CHRM3: variants seen among roughly 807,000 people sequenced by gnomAD.
The protein encoded by CHRM3 is cholinergic receptor muscarinic 3, also known as muscarinic acetylcholine receptor M3.
In CHRM3, 11 loss-of-function variants were observed where a neutral mutation model predicts 41.8. The observed-to-expected ratio is 0.26, with a 90% CI of 0.17 to 0.44. The LOEUF is 0.44. CHRM3 is among the 20% of genes least tolerant of loss of function. The probability of loss-of-function intolerance (pLI) is 1.00; values close to 1 mark genes in which losing one functional copy is unlikely to be tolerated. For synonymous variants in CHRM3, 297 were observed against 301.4 expected (o/e 0.99, Z 0.15); for missense variants, 571 against 745.4 (o/e 0.77, Z 2.72).
intron 1 of CHRM3, among the ~76,000 whole-genome samples, chr1:239,421,536 G>A (rs1661954072): frequency 1.3e-5 from 2 of 152,096 alleles, no homozygotes; most frequent in Admixed American, 1.3e-4. Context: ...TGCACCTGAT[G>A]TTTGTTTTTA....
intron 3 of CHRM3, among the ~76,000 whole-genome samples, chr1:239,600,085 AGTCAACT>A (rs1665326461): frequency 6.6e-6 from 1 of 152,166 alleles, no homozygotes; most frequent in East Asian, 1.9e-4. Flanking sequence ...CAAAAATCTC[AGTCAACT>A]GTGAATGCTC....
At chr1:239,836,964 ACT>A (rs763913769) in intron 6 of CHRM3, among the ~76,000 whole-genome samples, 2 of 147,066 alleles carry the variant, frequency 1.4e-5, no homozygotes, top group Non-Finnish European at 3.0e-5. Context: ...ACAGAGCAAG[ACT>A]CTGTCTTAAA....
At chr1:239,638,981 T>C (rs1476166094) in intron 4 of CHRM3, among the ~76,000 whole-genome samples, 16 of 152,184 alleles carry the variant, frequency 1.1e-4, no homozygotes, top group Non-Finnish European at 1.9e-4. Context: ...TTTCTACATA[T>C]GGCTAGCCAG....
At chr1:239,465,973 T>G (rs558982980) in intron 1 of CHRM3, among the ~76,000 whole-genome samples, 4 of 152,190 alleles carry the variant, frequency 2.6e-5, no homozygotes, top group Non-Finnish European at 2.9e-5. Context: ...ACGTTTATGA[T>G]GATCCATTTC....
At chr1:239,626,953 T>C (rs1467509244) in intron 3 of CHRM3, among the ~76,000 whole-genome samples, 6 of 68,618 alleles carry the variant, frequency 8.7e-5, no homozygotes, top group East Asian at 8.7e-4. Flanking sequence ...AGGTGTGGTG[T>C]GGTGCTGAAA....
At chr1:239,666,878 G>A (rs1053255468) in intron 4 of CHRM3, among the ~76,000 whole-genome samples, 9 of 152,166 alleles carry the variant, frequency 5.9e-5, no homozygotes, top group Non-Finnish European at 1.0e-4. Flanking sequence ...ATGTCCATGA[G>A]TACACAATGT....
In CHRM3 at chr1:239,650,877, G is replaced by A. The variant is rs143536674; in HGVS notation, c.-250+18591G>A. On this transcript the variant is annotated intron_variant, in intron 4 of 6. Transcript: ENST00000676153. ...AAATGTATTCAATTATATAAAATAC[G>A]GTGTTTTGTAGTATCACACATTAAT... Among the ~76,000 whole-genome samples, 384 of 152,184 alleles carry A rather than the reference G, an allele frequency of 2.5e-3. 2 individuals are homozygous for A. Among genetic ancestry groups the A allele is most frequent in the African/African-American group, 9.0e-3 (375 of 41,520 alleles).
intron 6 of CHRM3, among the ~76,000 whole-genome samples, chr1:239,836,336 C>T (rs775328562): frequency 1.3e-5 from 2 of 152,186 alleles, no homozygotes; most frequent in Non-Finnish European, 2.9e-5. Context: ...GCATCCGAGC[C>T]TGTCACCATG....
At chr1:239,653,675 C>T (rs1359280478) in intron 4 of CHRM3, among the ~76,000 whole-genome samples, 5 of 152,160 alleles carry the variant, frequency 3.3e-5, no homozygotes, top group African/African-American at 1.2e-4. Flanking sequence ...AAATAAGACA[C>T]ATCCACTTAA....
chr1:239,850,700 T>G (rs1674631615), intron 6 of CHRM3, among the ~76,000 whole-genome samples: 1 of 152,246 alleles, frequency 6.6e-6, no homozygotes, highest in African/African-American at 2.4e-5. Flanking sequence ...CATGCTGTTC[T>G]CATGACAGTG....
chr1:239,602,108 G>GTATATA (rs1293974734), intron 3 of CHRM3, among the ~76,000 whole-genome samples: 16 of 129,406 alleles, frequency 1.2e-4, no homozygotes, highest in African/African-American at 5.1e-4. Flanking sequence ...GTGTGTGTGT[G>GTATATA]TGTATATATA....
intron 2 of CHRM3, among the ~76,000 whole-genome samples, chr1:239,535,680 A>G (rs1332416545): frequency 2.6e-5 from 4 of 151,622 alleles, no homozygotes; most frequent in Non-Finnish European, 5.9e-5. Context: ...CCTTATCCAT[A>G]TATTTATTTC....
rs547683661 is a variant in CHRM3 at position 239,633,059 on chromosome 1, G to A, written c.-250+773G>A. Among the ~76,000 whole-genome samples the A allele has an allele frequency of 2.2e-3, 334 of 152,288 alleles. 2 individuals carry two copies. The highest frequency in any genetic ancestry group is 7.6e-3 in the African/African-American group (316 of 41,566). ...GCCATCTCAGCTCACTGCAAGCTCC[G>A]CCTCCCGGGTTCACACCATTCTCCT... On this transcript the variant is annotated intron_variant, in intron 4 of 6. Transcript: ENST00000676153.
At chr1:239,390,599 C>CT (rs11316805) in intron 1 of CHRM3, among the ~76,000 whole-genome samples, 1,592 of 139,704 alleles carry the variant, frequency 0.011, 10 homozygotes, top group African/African-American at 0.017. Flanking sequence ...GCTTCCCTCA[C>CT]TTTTTTTTTT....
intron 5 of CHRM3, among the ~76,000 whole-genome samples, chr1:239,785,106 T>G (rs1333368926): frequency 6.6e-6 from 1 of 152,176 alleles, no homozygotes; most frequent in Non-Finnish European, 1.5e-5. Context: ...CTTTGCAACC[T>G]CTCAGCAAGG....
intron 5 of CHRM3, among the ~76,000 whole-genome samples, chr1:239,763,976 C>T (rs1474565726): frequency 6.6e-6 from 1 of 151,716 alleles, no homozygotes; most frequent in Non-Finnish European, 1.5e-5. Context: ...CCTGTAGTCC[C>T]AGCTGCTCAG....
At chr1:239,422,522 G>A (rs1002082145) in intron 1 of CHRM3, among the ~76,000 whole-genome samples, 4 of 152,080 alleles carry the variant, frequency 2.6e-5, no homozygotes, top group Non-Finnish European at 1.5e-5. Flanking sequence ...TTGTCCAAGC[G>A]CGGTGGCTCA....
intron 1 of CHRM3, among the ~76,000 whole-genome samples, chr1:239,481,238 A>T (rs975154447): frequency 1.3e-5 from 2 of 152,054 alleles, no homozygotes; most frequent in African/African-American, 4.8e-5. Flanking sequence ...TTATGCACAG[A>T]CATAAACAGA....
chr1:239,878,800 C>T (rs1456071435), intron 6 of CHRM3, among the ~76,000 whole-genome samples: 1 of 151,988 alleles, frequency 6.6e-6, no homozygotes, highest in African/African-American at 2.4e-5. Context: ...AAATACAGGT[C>T]AGTTTACTCA....
Sources: allele counts gnomAD v4.1 joint callset (sites outside exome capture counted in the v4.1 genomes callset), GRCh38; gene constraint gnomAD v4.1.1; transcripts MANE v1.5; gene names NCBI Gene and HGNC (gene_info 2026-07-23, HGNC 2026-07-21).